The following CHL1 variants were observed in gnomAD, a reference collection of about 807,000 sequenced individuals.
The protein encoded by CHL1 is cell adhesion molecule L1 like, also known as neural cell adhesion molecule L1-like protein.
CHL1 carries 96 observed loss-of-function variants against 141.9 expected under a neutral mutation model. That is an observed-to-expected ratio of 0.68 (90% CI 0.57 to 0.80). The LOEUF is 0.80. Among genes scored for constraint, CHL1 ranks in the 30% least tolerant of loss-of-function variants. The probability of loss-of-function intolerance (pLI) is 0.00; values close to 1 mark genes in which losing one functional copy is unlikely to be tolerated. For synonymous variants in CHL1, 613 were observed against 502.2 expected (o/e 1.22, Z -2.95); for missense variants, 1,820 against 1,457.2 (o/e 1.25, Z -4.05).
At chr3:295,797 A>C (rs557576695) in intron 2 of CHL1, among the ~76,000 whole-genome samples, 7 of 152,340 alleles carry the variant, frequency 4.6e-5, no homozygotes, top group African/African-American at 1.4e-4. Flanking sequence ...ACTATTAACT[A>C]TATGCAAGTT....
At chr3:261,570 T>G (rs1694728354) in intron 2 of CHL1, among the ~76,000 whole-genome samples, 1 of 152,160 alleles carries the variant, frequency 6.6e-6, no homozygotes, top group Admixed American at 6.5e-5. Flanking sequence ...GCTAAGATCT[T>G]ACTTGTAAAA....
intron 1 of CHL1, among the ~76,000 whole-genome samples, chr3:208,973 T>C (rs1699675373): frequency 6.6e-6 from 1 of 152,210 alleles, no homozygotes; most frequent in Non-Finnish European, 1.5e-5. Context: ...CTTATTTTCC[T>C]CTGATGCTAT....
At chr3:312,889 T>A (rs1348303141) in intron 2 of CHL1, among the ~76,000 whole-genome samples, 2 of 152,206 alleles carry the variant, frequency 1.3e-5, no homozygotes, top group African/African-American at 2.4e-5. Flanking sequence ...GCCAGTGTCA[T>A]AAAATATCTC....
intron 2 of CHL1, among the ~76,000 whole-genome samples, chr3:257,922 T>A (rs1395321078): frequency 1.3e-5 from 2 of 152,226 alleles, no homozygotes; most frequent in Non-Finnish European, 2.9e-5. Context: ...TTTGTTTTGT[T>A]AACATTGTCT....
chr3:282,076 C>T (rs1696711008), intron 2 of CHL1, among the ~76,000 whole-genome samples: 1 of 152,004 alleles, frequency 6.6e-6, no homozygotes, highest in South Asian at 2.1e-4. Context: ...TCCTTCATAT[C>T]TGCCTTGTTT....
At position 405,688 on chromosome 3, in the gene CHL1, G is replaced by A. The variant is rs1709489484; in HGVS notation, c.3652G>A (p.Ala1218Thr). 11 of 1,613,234 alleles carry A rather than the reference G, an allele frequency of 6.8e-6. No homozygotes were observed. Among genetic ancestry groups the A allele is most frequent in the Non-Finnish European group, 9.3e-6 (11 of 1,179,424 alleles). The stretch of plus-strand genomic sequence containing the variant: ...TGTTGAAAGCAATGGAAGTTCTACA[G>A]CAACTTTTCCCCTTCGGGCATAAAC... ...GSVESNGSSTATFPLRA is the reference protein window; with the variant it reads ...GSVESNGSSTTTFPLRA The change falls in exon 28 of 28, where the codon GCA becomes ACA. Residue 1218 changes from alanine to threonine, a missense_variant. Coordinates refer to ENST00000256509, the MANE Select transcript of CHL1 (RefSeq NM_006614.4).
At chr3:329,618 T>C (rs1228372771) in intron 5 of CHL1, among the ~76,000 whole-genome samples, 2 of 151,522 alleles carry the variant, frequency 1.3e-5, no homozygotes, top group African/African-American at 2.4e-5. Context: ...GAAAAAGAGA[T>C]AGAAATAAAT....
chr3:306,450 T>C (rs1699236968), intron 2 of CHL1, among the ~76,000 whole-genome samples: 2 of 152,164 alleles, frequency 1.3e-5, no homozygotes, highest in Non-Finnish European at 2.9e-5. Flanking sequence ...AAAAATCCCA[T>C]TTAAACAACC....
chr3:386,372 G>A (rs1313425439), intron 19 of CHL1, among the ~76,000 whole-genome samples: 2 of 152,102 alleles, frequency 1.3e-5, no homozygotes, highest in Non-Finnish European at 2.9e-5. Context: ...CTTAATGGTA[G>A]AACTAGGCTT....
intron 26 of CHL1, 75 bp from the exon 27 acceptor site, chr3:401,551 C>T: frequency 1.2e-6 from 1 of 832,470 alleles, no homozygotes; most frequent in Non-Finnish European, 2.0e-6. Context: ...TGACTATTAA[C>T]TATTCCACAG....
rs1704474911 is a variant in CHL1, at chr3:363,325, A to T, written c.1527A>T (p.Ser509=). ...RTTEEDAGSY[S]CWVENAIGKT... is the part of the protein sequence containing the mutation. ...CCGAAGAAGATGCTGGGTCTTACTC[A>T]TGTTGGGTAGAAAATGCTATAGGAA... Residue 509 remains serine (S), a synonymous_variant, in exon 14 of 28, where the codon TCA becomes TCT. Coordinates refer to ENST00000256509, the MANE Select transcript of CHL1 (RefSeq NM_006614.4). The T allele has an allele frequency of 1.9e-6, 3 of 1,613,520 alleles. No individual in the cohort carries two copies. Among genetic ancestry groups the T allele is most frequent in the Non-Finnish European group, 2.5e-6 (3 of 1,179,714 alleles).
At chr3:321,669 T>C (rs1700576178) in intron 3 of CHL1, among the ~76,000 whole-genome samples, 1 of 152,118 alleles carries the variant, frequency 6.6e-6, no homozygotes, top group Non-Finnish European at 1.5e-5. Context: ...GGCCCACATT[T>C]TTATTCTGGT....
At chr3:281,667 C>T (rs1466673689) in intron 2 of CHL1, among the ~76,000 whole-genome samples, 1 of 150,548 alleles carries the variant, frequency 6.6e-6, no homozygotes, top group African/African-American at 2.4e-5. Flanking sequence ...TCAAGCGATT[C>T]TCATGCCTCA....
chr3:325,918 G>A, intron 3 of CHL1, 41 bp from the exon 4 acceptor site: 1 of 1,390,568 alleles, frequency 7.2e-7, no homozygotes, highest in Non-Finnish European at 1.0e-6. Context: ...CTTGCCTGCT[G>A]TTTGAATAGT....
At chr3:268,667 A>T (rs1307923456) in intron 2 of CHL1, among the ~76,000 whole-genome samples, 2 of 152,214 alleles carry the variant, frequency 1.3e-5, no homozygotes, top group Non-Finnish European at 2.9e-5. Context: ...ATATTATTGC[A>T]CATGCCATAA....
intron 2 of CHL1, among the ~76,000 whole-genome samples, chr3:290,613 C>G (rs556095075): frequency 2.0e-5 from 3 of 152,288 alleles, no homozygotes; most frequent in South Asian, 4.1e-4. Flanking sequence ...CTTCATCACT[C>G]TCTACTTCTG....
chr3:350,855 C>T (rs559961972), intron 10 of CHL1, among the ~76,000 whole-genome samples: 2 of 152,216 alleles, frequency 1.3e-5, no homozygotes, highest in Admixed American at 6.5e-5. Context: ...ATTCCTTTGA[C>T]ATTAAATTAT....
At position 330,195 on chromosome 3, in the gene CHL1, A is replaced by G. The variant is rs543418784; in HGVS notation, c.385+1841A>G. ...CAATAATAAATAGAAAACTTAAAAA[A>G]CTTATATCTTTGAAAACTAAGAAAT... On this transcript the variant is annotated intron_variant, in intron 5 of 27. Coordinates refer to ENST00000256509, the MANE Select transcript of CHL1 (RefSeq NM_006614.4). Among the ~76,000 whole-genome samples, 15 of 152,226 alleles carry G rather than the reference A, an allele frequency of 9.9e-5. No homozygotes were observed. The South Asian group carries it at 3.1e-3, about 32-fold the overall frequency.
At chr3:389,077 C>T (rs1186884728) in intron 19 of CHL1, among the ~76,000 whole-genome samples, 175 bp from the exon 20 acceptor site, 1 of 152,172 alleles carries the variant, frequency 6.6e-6, no homozygotes, top group African/African-American at 2.4e-5. Context: ...TACTTAAGCT[C>T]ATATGATGAC....
Sources: allele counts gnomAD v4.1 joint callset (sites outside exome capture counted in the v4.1 genomes callset), GRCh38; gene constraint gnomAD v4.1.1; transcripts MANE v1.5; gene names NCBI Gene and HGNC (gene_info 2026-07-23, HGNC 2026-07-21).